NTRK3: variants seen among roughly 807,000 people sequenced by gnomAD.
NTRK3 encodes neurotrophic receptor tyrosine kinase 3.
NTRK3 carries 24 observed loss-of-function variants against 91.7 expected under a neutral mutation model. The ratio of observed to expected loss-of-function variants is 0.26; its 90% CI spans 0.19 to 0.37. NTRK3 has a LOEUF of 0.37. Ranked by LOEUF, NTRK3 falls within the 10% of genes least tolerant of loss-of-function variation. The probability of loss-of-function intolerance (pLI) is 1.00; values close to 1 mark genes in which losing one functional copy is unlikely to be tolerated. For missense variants in NTRK3, 880 were observed against 1,068.9 expected, an observed-to-expected ratio of 0.82 and a Z score of 2.46; for synonymous variants, 483 against 404.0, an observed-to-expected ratio of 1.20 and a Z score of -2.34.
In NTRK3 at chr15:88,177,068, T is replaced by C. The variant is rs1286216367; in HGVS notation, c.395+6350A>G. Reference sequence around the variant, plus strand: ...GCCAACAGGGACAAAAACTCCAATGTGGGAATGAGCTTGGCACATTTAAGG... The same window carrying C: ...GCCAACAGGGACAAAAACTCCAATGCGGGAATGAGCTTGGCACATTTAAGG... On this transcript the variant is annotated intron_variant, in intron 5 of 18. Coordinates refer to ENST00000394480, the Ensembl canonical transcript of NTRK3. Among the ~76,000 whole-genome samples, 8 of 152,176 alleles carry C rather than the reference T, an allele frequency of 5.3e-5. No individual in the cohort carries two copies. In the East Asian group the frequency reaches 1.5e-3, roughly 29 times the overall value.
intron 5 of NTRK3, among the ~76,000 whole-genome samples, chr15:88,165,406 C>T (rs755295800): frequency 1.7e-4 from 26 of 152,188 alleles, no homozygotes; most frequent in South Asian, 8.3e-4. Flanking sequence ...TGCACTACTG[C>T]TATGGCTGAC....
At chr15:88,121,094 T>C (rs2052654871) in intron 13 of NTRK3, among the ~76,000 whole-genome samples, 1 of 137,734 alleles carries the variant, frequency 7.3e-6, no homozygotes, top group Admixed American at 7.2e-5. Context: ...ATAATGTATG[T>C]ATTTTTTTTA....
chr15:87,964,899 C>A (rs567942124), intron 14 of NTRK3, among the ~76,000 whole-genome samples: 1 of 152,150 alleles, frequency 6.6e-6, no homozygotes, highest in African/African-American at 2.4e-5. Context: ...ATAAACATTG[C>A]GTTTTTCTGC....
chr15:87,949,328 C>T (rs981231784), intron 14 of NTRK3, among the ~76,000 whole-genome samples: 6 of 152,010 alleles, frequency 3.9e-5, no homozygotes, highest in African/African-American at 9.7e-5. Context: ...CCTCAGTCTC[C>T]GGCTCCCCAG....
At chr15:88,011,870 G>A (rs747948289) in intron 14 of NTRK3, among the ~76,000 whole-genome samples, 1 of 152,168 alleles carries the variant, frequency 6.6e-6, no homozygotes, top group Non-Finnish European at 1.5e-5. Flanking sequence ...GCAGACTATG[G>A]TAATAGTGCT....
At chr15:87,993,175 C>G (rs2075418326) in intron 14 of NTRK3, among the ~76,000 whole-genome samples, 1 of 152,206 alleles carries the variant, frequency 6.6e-6, no homozygotes, top group Non-Finnish European at 1.5e-5. Context: ...CCCCAGGGTG[C>G]TCAACTTCCC....
At chr15:87,893,094 T>C (rs938872035) in intron 17 of NTRK3, among the ~76,000 whole-genome samples, 1 of 152,226 alleles carries the variant, frequency 6.6e-6, no homozygotes, top group Admixed American at 6.5e-5. Flanking sequence ...AACATTCTTA[T>C]AGGAGCATAA....
intron 14 of NTRK3, among the ~76,000 whole-genome samples, chr15:87,982,262 A>G (rs1169727186): frequency 6.6e-6 from 1 of 152,198 alleles, no homozygotes; most frequent in African/African-American, 2.4e-5. Flanking sequence ...AAAATCCTCC[A>G]TTCCTCTCCC....
At chr15:87,916,572 G>A (rs1374443090) in intron 17 of NTRK3, 7 of 702,108 alleles carry the variant, frequency 1.0e-5, no homozygotes, top group African/African-American at 3.5e-5. Flanking sequence ...TTCAATGAGA[G>A]AAGAAAACAA....
chr15:88,062,614 G>A (rs75743139), intron 13 of NTRK3, among the ~76,000 whole-genome samples: 1,751 of 152,282 alleles, frequency 0.011, 14 homozygotes, highest in Non-Finnish European at 0.019. Context: ...AAAGGACCCC[G>A]ATGATCACCA....
At chr15:88,098,295 T>G (rs2049828850) in intron 13 of NTRK3, among the ~76,000 whole-genome samples, 1 of 152,066 alleles carries the variant, frequency 6.6e-6, no homozygotes, top group South Asian at 2.1e-4. Flanking sequence ...GGTGAGAGAG[T>G]GGGATTTCAG....
chr15:88,009,872 A>G (rs531559871), intron 14 of NTRK3, among the ~76,000 whole-genome samples: 13 of 152,284 alleles, frequency 8.5e-5, no homozygotes, highest in African/African-American at 3.1e-4. Context: ...ATCCAGTGAG[A>G]AAAAAGCACA....
At chr15:87,878,948 TGTG>T in intron 18 of NTRK3, among the ~76,000 whole-genome samples, 1 of 134,706 alleles carries the variant, frequency 7.4e-6, no homozygotes, top group South Asian at 2.3e-4. Flanking sequence ...TGTGTGTGTG[TGTG>T]TGTTCCTAAC....
chr15:88,239,927 ACT>A (rs959710925), intron 3 of NTRK3, among the ~76,000 whole-genome samples: 3 of 151,868 alleles, frequency 2.0e-5, no homozygotes, highest in African/African-American at 4.8e-5. Flanking sequence ...GGAATCAGAA[ACT>A]CTGGGGTGGG....
exon 19 of NTRK3, chr15:87,864,061 A>G (rs1040868188): frequency 1.3e-5 from 3 of 232,574 alleles, no homozygotes; most frequent in African/African-American, 2.2e-5. Flanking sequence ...AATAACATGA[A>G]TCTTCCCCCA....
At chr15:88,041,015 G>A (rs1302801265) in intron 13 of NTRK3, among the ~76,000 whole-genome samples, 7 of 152,134 alleles carry the variant, frequency 4.6e-5, no homozygotes, top group African/African-American at 7.2e-5. Flanking sequence ...AAAGTTCTGC[G>A]TCTTCACACC....
At chr15:88,076,772 C>T (rs1168508457) in intron 13 of NTRK3, among the ~76,000 whole-genome samples, 1 of 151,758 alleles carries the variant, frequency 6.6e-6, no homozygotes, top group African/African-American at 2.4e-5. Context: ...CTAACATTAT[C>T]CAGCAAGCAG....
At chr15:88,123,800 A>G (rs1410236941) in intron 13 of NTRK3, among the ~76,000 whole-genome samples, 1 of 152,218 alleles carries the variant, frequency 6.6e-6, no homozygotes, top group Non-Finnish European at 1.5e-5. Flanking sequence ...TTCAATAGGA[A>G]GGTTCAATAA....
At chr15:88,187,044 G>A (rs369197313) in intron 3 of NTRK3, among the ~76,000 whole-genome samples, 1 of 152,202 alleles carries the variant, frequency 6.6e-6, no homozygotes. Context: ...GCAGTGTGGG[G>A]CACATGTAAG....
Sources: allele counts gnomAD v4.1 joint callset (sites outside exome capture counted in the v4.1 genomes callset), GRCh38; gene constraint gnomAD v4.1.1; transcripts MANE v1.5; gene names NCBI Gene and HGNC (gene_info 2026-07-23, HGNC 2026-07-21).